The following ROBO1 variants were observed in gnomAD, a reference collection of about 807,000 sequenced individuals.
The protein encoded by ROBO1 is roundabout homolog 1.
In ROBO1, 149 loss-of-function variants were observed where a neutral mutation model predicts 195.9. The ratio of observed to expected loss-of-function variants is 0.76; its 90% CI spans 0.67 to 0.87. The LOEUF (loss-of-function observed/expected upper bound fraction) is 0.87, where lower values mean the gene tolerates loss of function less well. Ranked by LOEUF, ROBO1 falls within the 40% of genes least tolerant of loss-of-function variation. The probability of loss-of-function intolerance (pLI) is 0.00; values close to 1 mark genes in which losing one functional copy is unlikely to be tolerated. For synonymous variants in ROBO1, 816 were observed against 733.2 expected (o/e 1.11, Z -1.82); for missense variants, 1,933 against 2,068.3 (o/e 0.93, Z 1.27).
At chr3:78,682,233 G>A (rs2107800572) in intron 10 of ROBO1, among the ~76,000 whole-genome samples, 1 of 151,502 alleles carries the variant, frequency 6.6e-6, no homozygotes, top group Admixed American at 6.6e-5. Context: ...GGCAATGTAG[G>A]ACAAGTAGAA....
intron 1 of ROBO1, among the ~76,000 whole-genome samples, chr3:79,641,642 C>T (rs1945664867): frequency 6.6e-6 from 1 of 152,008 alleles, no homozygotes; most frequent in Non-Finnish European, 1.5e-5. Context: ...ACCAAGAATT[C>T]AAAATAGAAG....
chr3:79,445,790 T>G (rs2039231444), intron 2 of ROBO1, among the ~76,000 whole-genome samples: 1 of 150,834 alleles, frequency 6.6e-6, no homozygotes, highest in Admixed American at 6.6e-5. Flanking sequence ...GCCTCCCGAG[T>G]AGCTGGGACT....
intron 1 of ROBO1, among the ~76,000 whole-genome samples, chr3:79,684,672 A>G (rs1947047812): frequency 6.6e-6 from 1 of 151,810 alleles, no homozygotes; most frequent in Non-Finnish European, 1.5e-5. Context: ...GATGATGATG[A>G]TGATGATGGT....
chr3:79,003,073 A>G (rs1284763603), intron 3 of ROBO1, among the ~76,000 whole-genome samples: 4 of 152,144 alleles, frequency 2.6e-5, no homozygotes, highest in African/African-American at 9.7e-5. Context: ...AAGCATTAAC[A>G]TTTTTTTAAA....
intron 2 of ROBO1, among the ~76,000 whole-genome samples, chr3:79,587,960 T>G (rs1943880220): frequency 6.6e-6 from 1 of 151,730 alleles, no homozygotes; most frequent in Non-Finnish European, 1.5e-5. Flanking sequence ...AAATGTTTCT[T>G]GAACTCTGTA....
At chr3:79,214,098 T>G (rs2108809174) in intron 2 of ROBO1, among the ~76,000 whole-genome samples, 1 of 152,168 alleles carries the variant, frequency 6.6e-6, no homozygotes, top group Non-Finnish European at 1.5e-5. Context: ...AGTGCTGGGA[T>G]TACTCTCCAC....
At chr3:78,678,498 C>T (rs1304131336) in intron 10 of ROBO1, among the ~76,000 whole-genome samples, 1 of 152,070 alleles carries the variant, frequency 6.6e-6, no homozygotes, top group Non-Finnish European at 1.5e-5. Flanking sequence ...GGGATATCAC[C>T]ACCAATCCCA....
intron 3 of ROBO1, among the ~76,000 whole-genome samples, chr3:79,081,178 A>AT (rs879641396): frequency 0.019 from 2,839 of 146,894 alleles, 72 homozygotes; most frequent in African/African-American, 0.06. Context: ...TTCCGATAGG[A>AT]TTTTTTTTTT....
intron 3 of ROBO1, among the ~76,000 whole-genome samples, chr3:78,960,573 G>C (rs2041281964): frequency 6.6e-6 from 1 of 151,946 alleles, no homozygotes; most frequent in Admixed American, 6.6e-5. Flanking sequence ...GAGGTCAAGA[G>C]ATCGAGACCA....
chr3:79,052,346 G>T (rs187173312), intron 3 of ROBO1, among the ~76,000 whole-genome samples: 1,818 of 152,164 alleles, frequency 0.012, 47 homozygotes, highest in African/African-American at 0.042. Flanking sequence ...CAGACTGGTT[G>T]TCTGCTCTTG....
chr3:79,440,046 C>T (rs1457424042), intron 2 of ROBO1, among the ~76,000 whole-genome samples: 3 of 152,020 alleles, frequency 2.0e-5, no homozygotes, highest in African/African-American at 4.8e-5. Flanking sequence ...ATGCCAGTCA[C>T]AGAAGAGTGA....
intron 2 of ROBO1, among the ~76,000 whole-genome samples, chr3:79,160,538 C>T (rs1295933901): frequency 6.6e-6 from 1 of 151,880 alleles, no homozygotes; most frequent in Non-Finnish European, 1.5e-5. Context: ...GTTAGAGCAG[C>T]TTGTAAAGGG....
At chr3:79,546,047 A>G (rs967595644) in intron 2 of ROBO1, among the ~76,000 whole-genome samples, 5 of 152,046 alleles carry the variant, frequency 3.3e-5, no homozygotes, top group African/African-American at 1.2e-4. Flanking sequence ...ATGAGGATGG[A>G]GACCTTTATT....
intron 2 of ROBO1, among the ~76,000 whole-genome samples, chr3:79,485,839 A>G (rs1315517218): frequency 1.3e-5 from 2 of 152,200 alleles, no homozygotes; most frequent in East Asian, 1.9e-4. Flanking sequence ...ACTGTATTAA[A>G]TAAAGTACCA....
chr3:79,603,388 A>AC (rs1007377347), intron 1 of ROBO1, among the ~76,000 whole-genome samples: 2 of 151,300 alleles, frequency 1.3e-5, no homozygotes. Context: ...ACACAACAAT[A>AC]CCCCCCACAG....
chr3:78,917,779 A>G (rs2038703514), intron 4 of ROBO1, among the ~76,000 whole-genome samples: 1 of 152,218 alleles, frequency 6.6e-6, no homozygotes, highest in African/African-American at 2.4e-5. Flanking sequence ...TATTTTAGAC[A>G]GATTTGTCTG....
intron 4 of ROBO1, among the ~76,000 whole-genome samples, chr3:78,800,606 G>A (rs2084338243): frequency 6.6e-6 from 1 of 152,106 alleles, no homozygotes; most frequent in African/African-American, 2.4e-5. Context: ...GCCCAGGATG[G>A]AGTGCAGTGG....
At chr3:78,973,001 C>T (rs2076802958) in intron 3 of ROBO1, among the ~76,000 whole-genome samples, 1 of 152,126 alleles carries the variant, frequency 6.6e-6, no homozygotes, top group Admixed American at 6.5e-5. Context: ...CAAAAAGAAG[C>T]AGAGAAAAGA....
At chr3:79,412,287 A>G (rs1012568187) in intron 2 of ROBO1, among the ~76,000 whole-genome samples, 3 of 152,150 alleles carry the variant, frequency 2.0e-5, no homozygotes, top group Non-Finnish European at 2.9e-5. Flanking sequence ...AGATAAGCTG[A>G]CAGTTTTCTC....
Sources: allele counts gnomAD v4.1 joint callset (sites outside exome capture counted in the v4.1 genomes callset), GRCh38; gene constraint gnomAD v4.1.1; transcripts MANE v1.5; gene names NCBI Gene and HGNC (gene_info 2026-07-23, HGNC 2026-07-21).